Variants in RAP1GDS1 observed in about 807,000 individuals in gnomAD.
RAP1GDS1 encodes Rap1 GTPase-GDP dissociation stimulator 1.
In RAP1GDS1, 35 loss-of-function variants were observed where a neutral mutation model predicts 71.1. The ratio of observed to expected loss-of-function variants is 0.49; its 90% CI spans 0.38 to 0.65. The LOEUF is 0.65. Among genes scored for constraint, RAP1GDS1 ranks in the 30% least tolerant of loss-of-function variants. RAP1GDS1 has a pLI of 0.00. For synonymous variants in RAP1GDS1, 229 were observed against 243.1 expected, an observed-to-expected ratio of 0.94 and a Z score of 0.54; for missense variants, 663 against 706.1, an observed-to-expected ratio of 0.94 and a Z score of 0.69.
chr4:98,441,843 A>G (rs1751914508), intron 14 of RAP1GDS1, 147 bp from the exon 15 acceptor site: 1 of 875,690 alleles, frequency 1.1e-6, no homozygotes, highest in Admixed American at 3.5e-5. Context: ...TCTAAGAAAG[A>G]CATTGCTAGG....
Position 98,442,790 on chromosome 4 carries a change from T to C in RAP1GDS1, c.*673T>C. 1 of 229,702 alleles carries C rather than the reference T, an allele frequency of 4.4e-6. No individual in the cohort carries two copies. The highest frequency in any genetic ancestry group is 6.3e-5 in the East Asian group (1 of 15,982). The allele number at this position is 229,702 out of a possible 1,614,324, so 14.2% of individuals were successfully genotyped here. On this transcript the variant is annotated 3_prime_UTR_variant, in exon 15 of 15. Coordinates refer to ENST00000408927, the MANE Select transcript of RAP1GDS1 (RefSeq NM_001100427.2). ...CAATAGCCTGATATTGAAAAACATTTGTAGTTTTCAGTGTGAAACTAAGGG... is the reference window on the plus strand; with the variant it reads ...CAATAGCCTGATATTGAAAAACATTCGTAGTTTTCAGTGTGAAACTAAGGG...
intron 12 of RAP1GDS1, 99 bp from the exon 13 acceptor site, chr4:98,433,837 A>G (rs1750790398): frequency 3.5e-6 from 4 of 1,144,426 alleles, no homozygotes; most frequent in South Asian, 3.2e-5. Context: ...CATACAGGAC[A>G]CTGTCGCAAA....
At chr4:98,263,936 A>G (rs1017493087) in intron 1 of RAP1GDS1, among the ~76,000 whole-genome samples, 3 of 152,194 alleles carry the variant, frequency 2.0e-5, no homozygotes, top group Admixed American at 6.5e-5. Flanking sequence ...AGTTTCATGT[A>G]TGATCAGTAG....
rs192336573 is a variant in RAP1GDS1 at position 98,301,294 on chromosome 4, T to C, written c.112+7779T>C. 2.4e-4 allele frequency among the ~76,000 whole-genome samples: 36 copies of C among 152,244 alleles called. 1 individual carries two copies. Among genetic ancestry groups the C allele is most frequent in the Middle Eastern group, 3.4e-3 (1 of 294 alleles). ...GGTGCTCCTTATGAAGTAGTGAAGA[T>C]TCAGTTTTTACCAAATAAAGACAGC... On this transcript the variant is annotated intron_variant, in intron 2 of 14. Transcript: ENST00000408927.
At chr4:98,372,075 G>A (rs1182851478) in intron 4 of RAP1GDS1, among the ~76,000 whole-genome samples, 3 of 151,904 alleles carry the variant, frequency 2.0e-5, no homozygotes, top group Non-Finnish European at 4.4e-5. Context: ...TTTTCTGATT[G>A]TCTGAACTGT....
chr4:98,354,519 G>C (rs1009009294), intron 4 of RAP1GDS1, among the ~76,000 whole-genome samples: 30 of 152,082 alleles, frequency 2.0e-4, no homozygotes, highest in Admixed American at 1.0e-3. Flanking sequence ...ATATTGCCTT[G>C]GTTTTTATGG....
chr4:98,397,477 C>A (rs1326788618), intron 6 of RAP1GDS1, among the ~76,000 whole-genome samples: 2 of 151,962 alleles, frequency 1.3e-5, no homozygotes, highest in African/African-American at 4.8e-5. Flanking sequence ...GACCCACTCT[C>A]TAAAAACAAA....
chr4:98,434,047 G>T lies in RAP1GDS1; in HGVS notation c.1552G>T (p.Ala518Ser). Residue 518 changes from alanine to serine, a missense_variant, in exon 13 of 15, where the codon GCA (alanine) becomes TCA (serine). Ala to Ser is a moderately conservative substitution (Grantham distance 99, BLOSUM62 1). Coordinates refer to ENST00000408927, the MANE Select transcript of RAP1GDS1 (RefSeq NM_001100427.2). Reference protein sequence around the residue: ...NEALVALALIAALELGTAEKD... With the variant: ...NEALVALALISALELGTAEKD... ...AGCTCTTGTTGCTTTGGCATTAATA[G>T]CAGCTTTAGAATTGGGTAAGTACCC... is the stretch of plus-strand genomic sequence containing the variant. 1 of 1,613,692 alleles carries T rather than the reference G, an allele frequency of 6.2e-7. No homozygotes were observed. Among genetic ancestry groups the T allele is most frequent in the Non-Finnish European group, 8.5e-7 (1 of 1,179,734 alleles).
At chr4:98,428,268 A>G (rs1249060034) in intron 12 of RAP1GDS1, among the ~76,000 whole-genome samples, 1 of 152,208 alleles carries the variant, frequency 6.6e-6, no homozygotes. Context: ...TATCAGAAAA[A>G]GCCCCTTCTA....
intron 2 of RAP1GDS1, among the ~76,000 whole-genome samples, chr4:98,313,824 G>A (rs1323280790): frequency 6.6e-6 from 1 of 152,070 alleles, no homozygotes; most frequent in African/African-American, 2.4e-5. Flanking sequence ...TCCATCCTGA[G>A]CAACAGAGCA....
intron 2 of RAP1GDS1, among the ~76,000 whole-genome samples, chr4:98,310,917 A>G (rs1471626282): frequency 1.3e-5 from 2 of 152,100 alleles, no homozygotes; most frequent in Non-Finnish European, 2.9e-5. Context: ...TGTGTGGCTC[A>G]CTTTATATTT....
intron 2 of RAP1GDS1, among the ~76,000 whole-genome samples, chr4:98,308,945 A>T (rs555150025): frequency 3.3e-5 from 5 of 152,120 alleles, no homozygotes; most frequent in Non-Finnish European, 5.9e-5. Context: ...TACACTTACA[A>T]GGTCGTATTA....
chr4:98,269,107 C>G, intron 1 of RAP1GDS1, among the ~76,000 whole-genome samples: 1 of 124,888 alleles, frequency 8.0e-6, no homozygotes, highest in East Asian at 2.5e-4. Context: ...AAAGCAGACA[C>G]ATAGATCAAT....
intron 1 of RAP1GDS1, among the ~76,000 whole-genome samples, chr4:98,275,615 G>T (rs1030337238): frequency 3.9e-5 from 6 of 152,060 alleles, no homozygotes; most frequent in Admixed American, 3.9e-4. Flanking sequence ...TATGGGCTGT[G>T]GACTGTACAA....
At position 98,434,061 on chromosome 4, in the gene RAP1GDS1, G is replaced by A. The variant is rs766563025; in HGVS notation, c.1566G>A (p.Leu522=). Reference sequence around the variant, plus strand: ...TGGCATTAATAGCAGCTTTAGAATTGGGTAAGTACCCCAGTGACAAACTTA... The same window carrying A: ...TGGCATTAATAGCAGCTTTAGAATTAGGTAAGTACCCCAGTGACAAACTTA... ...VALALIAALE[L]GTAEKDLESA... Residue 522 remains leucine (L), a splice_region_variant and synonymous_variant, in exon 13 of 15, where the codon TTG becomes TTA. Transcript: ENST00000408927. The A allele has an allele frequency of 6.2e-7, 1 of 1,612,914 alleles. No homozygotes were observed. Among genetic ancestry groups the A allele is most frequent in the South Asian group, 1.1e-5 (1 of 90,984 alleles).
Position 98,392,025 on chromosome 4 carries a change from A to C in RAP1GDS1, c.582A>C (p.Gln194His), listed in dbSNP as rs1430015441. 6.8e-6 allele frequency: 11 copies of C among 1,613,048 alleles called. No homozygotes were observed. The highest frequency in any genetic ancestry group is 5.0e-5 in the Admixed American group (3 of 59,990). ...TGAAATTACTGGGCATCCACTGCCA[A>C]AATGCAGCTCTTACAGAAATGTGTC... ...TLVKLLGIHC[Q>H]NAALTEMCLV... Residue 194 changes from glutamine to histidine, a missense_variant, in exon 6 of 15, where the codon CAA becomes CAC. By Grantham distance (24) the Gln-to-His change is conservative (BLOSUM62 0). Transcript: ENST00000408927.
At chr4:98,353,214 T>G (rs1737477218) in intron 4 of RAP1GDS1, among the ~76,000 whole-genome samples, 1 of 152,202 alleles carries the variant, frequency 6.6e-6, no homozygotes, top group African/African-American at 2.4e-5. Flanking sequence ...TTTCTACATA[T>G]AAACAAAATA....
chr4:98,305,900 T>C (rs1443089666), intron 2 of RAP1GDS1, among the ~76,000 whole-genome samples: 1 of 152,148 alleles, frequency 6.6e-6, no homozygotes, highest in Non-Finnish European at 1.5e-5. Flanking sequence ...AAGAGAGAAA[T>C]GTGATTTGAA....
intron 4 of RAP1GDS1, among the ~76,000 whole-genome samples, chr4:98,360,045 T>C (rs1738496548): frequency 6.6e-6 from 1 of 152,182 alleles, no homozygotes; most frequent in Non-Finnish European, 1.5e-5. Context: ...TTGTACTTGG[T>C]ATTAAATTTA....
Sources: allele counts gnomAD v4.1 joint callset (sites outside exome capture counted in the v4.1 genomes callset), GRCh38; gene constraint gnomAD v4.1.1; transcripts MANE v1.5; gene names NCBI Gene and HGNC (gene_info 2026-07-23, HGNC 2026-07-21).